Variants in IGSF11 observed in about 807,000 individuals in gnomAD.
IGSF11 encodes immunoglobulin superfamily member 11, also known as CXADR like 1.
Under a neutral mutation model 41.0 loss-of-function variants are expected in IGSF11, and 22 were observed. The observed-to-expected ratio is 0.54, with a 90% CI of 0.38 to 0.77. IGSF11 has a LOEUF of 0.77. IGSF11 is among the 30% of genes least tolerant of loss of function. The pLI, the probability that IGSF11 is intolerant of heterozygous loss-of-function variation, is 0.00. For synonymous variants in IGSF11, 219 were observed against 201.3 expected (o/e 1.09, Z -0.74); for missense variants, 444 against 530.8 (o/e 0.84, Z 1.61).
intron 1 of IGSF11, among the ~76,000 whole-genome samples, chr3:119,116,070 T>C (rs2107525437): frequency 6.6e-6 from 1 of 152,322 alleles, no homozygotes; most frequent in East Asian, 1.9e-4. Flanking sequence ...TTCACTTAAT[T>C]GCACAACAGA....
intron 1 of IGSF11, among the ~76,000 whole-genome samples, chr3:118,934,783 T>A (rs1325632805): frequency 6.6e-6 from 1 of 152,134 alleles, no homozygotes; most frequent in East Asian, 1.9e-4. Context: ...GACCTTCAAG[T>A]CAACTCTGTC....
intron 1 of IGSF11, among the ~76,000 whole-genome samples, chr3:118,938,520 G>A (rs1943447083): frequency 6.6e-6 from 1 of 152,168 alleles, no homozygotes; most frequent in Admixed American, 6.5e-5. Context: ...TAGCCATAAA[G>A]AACCAAGGCA....
upstream of IGSF11, among the ~76,000 whole-genome samples, chr3:119,038,429 A>G (rs745631454): frequency 6.6e-6 from 1 of 152,196 alleles, no homozygotes; most frequent in Non-Finnish European, 1.5e-5. Context: ...CCCATAGCCC[A>G]ATCCCTATCA....
chr3:119,134,532 G>A (rs1229436014), intron 1 of IGSF11, among the ~76,000 whole-genome samples: 2 of 152,084 alleles, frequency 1.3e-5, no homozygotes, highest in Non-Finnish European at 2.9e-5. Context: ...TCTTCAAGGA[G>A]AACTACAAAC....
chr3:118,949,299 A>G (rs1944403499), intron 1 of IGSF11: 1 of 146,304 alleles, frequency 6.8e-6, no homozygotes. Context: ...CCATTGTCTC[A>G]CTAGGATTGC....
At position 119,083,971 on chromosome 3, in the gene IGSF11, C is replaced by A. The variant is rs73185848; in HGVS notation, c.49+21173G>T. Among the ~76,000 whole-genome samples, 247 of 152,066 alleles carry A rather than the reference C, an allele frequency of 1.6e-3. 1 individual carries two copies. Among genetic ancestry groups the A allele is most frequent in the Admixed American group, 2.9e-3 (44 of 15,282 alleles). ...GATGACAGCTCCCTGTGTGTTATTG[C>A]CCAAGGACCTTCCAGTGAGACAAAA... On this transcript the variant is annotated intron_variant, in intron 1 of 6. Transcript: ENST00000354673.
intron 1 of IGSF11, among the ~76,000 whole-genome samples, chr3:119,051,479 C>T (rs1413217347): frequency 6.6e-6 from 1 of 152,106 alleles, no homozygotes; most frequent in East Asian, 1.9e-4. Flanking sequence ...ATTTATAAAA[C>T]AATTACTACA....
chr3:118,962,995 G>A (rs944223091), intron 1 of IGSF11, among the ~76,000 whole-genome samples: 16 of 152,088 alleles, frequency 1.1e-4, no homozygotes, highest in African/African-American at 3.9e-4. Context: ...AAAAGCAATT[G>A]CCAAAGAGCA....
chr3:119,075,849 A>C (rs2076485574), intron 1 of IGSF11, among the ~76,000 whole-genome samples: 1 of 152,226 alleles, frequency 6.6e-6, no homozygotes, highest in Non-Finnish European at 1.5e-5. Flanking sequence ...GGTAATTTAT[A>C]GATTCAATGC....
At chr3:118,991,025 C>CGA (rs1935744697) in intron 1 of IGSF11, among the ~76,000 whole-genome samples, 1 of 152,210 alleles carries the variant, frequency 6.6e-6, no homozygotes, top group African/African-American at 2.4e-5. Context: ...ACAGCCCTCT[C>CGA]AAATCCAATA....
At chr3:119,074,207 A>G (rs1034168174) in intron 1 of IGSF11, among the ~76,000 whole-genome samples, 2 of 152,192 alleles carry the variant, frequency 1.3e-5, no homozygotes, top group Non-Finnish European at 2.9e-5. Flanking sequence ...ACAACAACAG[A>G]ATATACATTC....
rs372334001 is a variant in IGSF11 at position 118,969,202 on chromosome 3, A to T, written c.53-38927T>A. On this transcript the variant is annotated intron_variant, in intron 1 of 6. Transcript: ENST00000393775. Reference sequence around the variant, plus strand: ...GTGCCAAGTGGTAAATATTAAAAAAAAATAATAATAATCCAACACTGTAGT... The same window carrying T: ...GTGCCAAGTGGTAAATATTAAAAAATAATAATAATAATCCAACACTGTAGT... Among the ~76,000 whole-genome samples the T allele has an allele frequency of 1.9e-3, 287 of 152,346 alleles. 4 individuals are homozygous for T. The South Asian group carries it at 0.031, about 16-fold the overall frequency.
At chr3:119,036,121 A>T (rs1347026280), upstream of IGSF11, among the ~76,000 whole-genome samples, 2 of 152,228 alleles carry the variant, frequency 1.3e-5, no homozygotes, top group East Asian at 3.8e-4. Context: ...CATGTTAAGA[A>T]ATGTTAATAA....
At chr3:118,988,909 G>A (rs1345985172) in intron 1 of IGSF11, among the ~76,000 whole-genome samples, 1 of 152,162 alleles carries the variant, frequency 6.6e-6, no homozygotes, top group Non-Finnish European at 1.5e-5. Context: ...ACTTCAGACT[G>A]AGTTAGAAAG....
At chr3:118,925,413 T>A (rs1576383721) in intron 4 of IGSF11, among the ~76,000 whole-genome samples, 1 of 152,204 alleles carries the variant, frequency 6.6e-6, no homozygotes, top group Non-Finnish European at 1.5e-5. Context: ...GTATTAGAGA[T>A]GACGTAATAT....
intron 1 of IGSF11, among the ~76,000 whole-genome samples, chr3:119,000,605 C>T (rs540589706): frequency 6.6e-6 from 1 of 151,532 alleles, no homozygotes; most frequent in African/African-American, 2.4e-5. Flanking sequence ...TATTTTGAAT[C>T]AAACCACTTC....
In IGSF11 at chr3:118,904,741, A is replaced by G. The variant is rs768654605; in HGVS notation, c.761T>C (p.Ile254Thr). The G allele has an allele frequency of 3.7e-6, 6 of 1,613,822 alleles. No individual in the cohort carries two copies. The highest frequency in any genetic ancestry group is 2.2e-5 in the South Asian group (2 of 91,028). Residue 254 changes from isoleucine (I) to threonine (T), a missense_variant, in exon 6 of 7, where the codon ATC becomes ACC. This residue lies in a region of IGSF11 where 223 missense variants were observed against 226.2 expected (regional missense o/e 0.99). Coordinates refer to ENST00000393775, the MANE Select transcript of IGSF11 (RefSeq NM_001015887.3). ...TAAAATTAGTGCAATGCAAAAAATGATAATAACTGCACCAGTGCCAATGGC... is the reference window on the plus strand; with the variant it reads ...TAAAATTAGTGCAATGCAAAAAATGGTAATAACTGCACCAGTGCCAATGGC... ...AGAIGTGAVI[I>T]IFCIALILGA...
chr3:118,978,635 T>C (rs1369851709), intron 1 of IGSF11, among the ~76,000 whole-genome samples: 1 of 152,198 alleles, frequency 6.6e-6, no homozygotes, highest in Non-Finnish European at 1.5e-5. Context: ...CTCTGACAAC[T>C]GTACCCTAAG....
intron 1 of IGSF11, among the ~76,000 whole-genome samples, chr3:119,050,879 A>G (rs1002066938): frequency 3.9e-5 from 6 of 151,966 alleles, no homozygotes; most frequent in African/African-American, 1.4e-4. Flanking sequence ...CATCATTCTC[A>G]GTAAACTATC....
Sources: gnomAD v4.1 joint callset for allele counts (sites outside exome capture counted in the v4.1 genomes callset) on GRCh38, gnomAD v4.1.1 for gene constraint, gnomAD v4.1.1 regional missense constraint, MANE v1.5 for transcripts, NCBI Gene and HGNC (gene_info 2026-07-23, HGNC 2026-07-21) for gene names.